The following LMNTD1 variants were observed in gnomAD, a reference collection of about 807,000 sequenced individuals.
The protein encoded by LMNTD1 is lamin tail domain-containing protein 1.
A neutral mutation model predicts 50.9 loss-of-function variants in LMNTD1; 35 were observed. That is an observed-to-expected ratio of 0.69 (90% CI 0.53 to 0.91). LMNTD1 has a LOEUF of 0.91. Among genes scored for constraint, LMNTD1 ranks in the 40% least tolerant of loss-of-function variants. LMNTD1 has a pLI of 0.00. For missense variants in LMNTD1, 470 were observed against 475.5 expected, an observed-to-expected ratio of 0.99 and a Z score of 0.11; for synonymous variants, 153 against 161.9, an observed-to-expected ratio of 0.94 and a Z score of 0.42.
At chr12:25,605,246 C>T (rs892028214) in intron 1 of LMNTD1, among the ~76,000 whole-genome samples, 4 of 151,876 alleles carry the variant, frequency 2.6e-5, no homozygotes, top group African/African-American at 7.3e-5. Context: ...GGATATTAGC[C>T]CTTTGTCAGA....
intron 8 of LMNTD1, among the ~76,000 whole-genome samples, chr12:25,507,216 G>T (rs911327761): frequency 1.3e-4 from 20 of 152,118 alleles, no homozygotes; most frequent in African/African-American, 4.8e-4. Context: ...GACCATTAGA[G>T]AGTAAGATTT....
intron 4 of LMNTD1, among the ~76,000 whole-genome samples, chr12:25,537,341 G>C (rs901402511): frequency 1.6e-4 from 24 of 152,364 alleles, no homozygotes; most frequent in African/African-American, 5.8e-4. Context: ...GCTTTGAAGA[G>C]AGCAGGGGTT....
intron 1 of LMNTD1, among the ~76,000 whole-genome samples, chr12:25,626,880 CA>C (rs1946602251): frequency 6.6e-6 from 1 of 152,116 alleles, no homozygotes; most frequent in African/African-American, 2.4e-5. Flanking sequence ...TTTCCTTGAT[CA>C]AAAAGATTTA....
intron 1 of LMNTD1, among the ~76,000 whole-genome samples, chr12:25,612,515 CT>C (rs1340861879): frequency 6.6e-6 from 1 of 152,164 alleles, no homozygotes; most frequent in African/African-American, 2.4e-5. Context: ...TCTAGGAAAC[CT>C]TTGCTGAGTC....
At chr12:25,644,508 C>G (rs1947023946) in intron 1 of LMNTD1, among the ~76,000 whole-genome samples, 1 of 151,430 alleles carries the variant, frequency 6.6e-6, no homozygotes, top group African/African-American at 2.4e-5. Flanking sequence ...AAACGAACAA[C>G]AACAAAAAAA....
intron 4 of LMNTD1, among the ~76,000 whole-genome samples, chr12:25,529,634 G>T (rs575979886): frequency 6.6e-6 from 1 of 151,774 alleles, no homozygotes; most frequent in African/African-American, 2.4e-5. Flanking sequence ...CCTTTATCAC[G>T]CTCTCATCAT....
chr12:25,557,279 T>A (rs1013254202), upstream of LMNTD1: 3 of 152,156 alleles, frequency 2.0e-5, no homozygotes, highest in African/African-American at 7.2e-5. Context: ...GAGGGGTATT[T>A]CAAGAGAGGC....
intron 9 of LMNTD1, among the ~76,000 whole-genome samples, chr12:25,490,322 T>C (rs1938843455): frequency 6.6e-6 from 1 of 152,238 alleles, no homozygotes; most frequent in South Asian, 2.1e-4. Context: ...ATAATATTTT[T>C]TTTAACATTA....
At chr12:25,527,058 T>A in intron 4 of LMNTD1, 103 bp from the exon 5 acceptor site, 1 of 766,240 alleles carries the variant, frequency 1.3e-6, no homozygotes, top group Non-Finnish European at 2.0e-6. Context: ...GTTCTTAAAC[T>A]GTATATTCTA....
intron 8 of LMNTD1, among the ~76,000 whole-genome samples, chr12:25,506,366 G>A (rs1006779588): frequency 1.3e-5 from 2 of 152,162 alleles, no homozygotes; most frequent in East Asian, 3.8e-4. Context: ...GAATTCCACT[G>A]CAGTATATGA....
intron 1 of LMNTD1, among the ~76,000 whole-genome samples, chr12:25,576,758 T>G (rs984090933): frequency 6.6e-6 from 1 of 152,244 alleles, no homozygotes; most frequent in Non-Finnish European, 1.5e-5. Context: ...AGTCATGAAG[T>G]CCTTGCCCAT....
At chr12:25,510,093 G>T (rs1002104271) in intron 8 of LMNTD1, among the ~76,000 whole-genome samples, 1 of 152,150 alleles carries the variant, frequency 6.6e-6, no homozygotes, top group African/African-American at 2.4e-5. Flanking sequence ...GTATTATTTT[G>T]TGTAGTAAAC....
rs534764916 is a variant in LMNTD1, at chr12:25,604,847, C to T, written c.58+43647G>A. On this transcript the variant is annotated intron_variant, in intron 1 of 7. Transcript: ENST00000445693. ...CTTTATAGAGGTATGATTTATAATC[C>T]TTTGCGTATATACCCAGTAATGGGA... Among the ~76,000 whole-genome samples the T allele has an allele frequency of 2.6e-5, 4 of 152,148 alleles. No homozygotes were observed. In the South Asian group the frequency reaches 8.3e-4, roughly 32 times the overall value.
intron 8 of LMNTD1, among the ~76,000 whole-genome samples, chr12:25,516,382 A>C (rs1426138601): frequency 2.0e-5 from 3 of 152,226 alleles, no homozygotes; most frequent in African/African-American, 7.2e-5. Context: ...TGCCACCATC[A>C]TATTATAGAA....
chr12:25,578,496 C>T (rs1945130386), intron 1 of LMNTD1, among the ~76,000 whole-genome samples: 5 of 152,134 alleles, frequency 3.3e-5, no homozygotes, highest in Admixed American at 3.3e-4. Flanking sequence ...GATACAGTCA[C>T]ACAATGTATT....
At chr12:25,584,137 C>T (rs552163347) in intron 1 of LMNTD1, among the ~76,000 whole-genome samples, 1 of 152,208 alleles carries the variant, frequency 6.6e-6, no homozygotes, top group South Asian at 2.1e-4. Context: ...AAAGAGAAGA[C>T]AAGATGACTC....
chr12:25,630,421 C>G (rs1051966243), intron 1 of LMNTD1, among the ~76,000 whole-genome samples: 1 of 152,024 alleles, frequency 6.6e-6, no homozygotes, highest in Non-Finnish European at 1.5e-5. Context: ...TCAGCAGTCC[C>G]GAGAAGACGC....
At chr12:25,625,834 C>T (rs535724756) in intron 1 of LMNTD1, among the ~76,000 whole-genome samples, 11 of 152,258 alleles carry the variant, frequency 7.2e-5, no homozygotes, top group African/African-American at 2.6e-4. Context: ...TGGGATGGCA[C>T]CTCTGCCTCC....
intron 9 of LMNTD1, chr12:25,499,710 C>T (rs1323896289): frequency 6.6e-6 from 1 of 151,258 alleles, no homozygotes; most frequent in Non-Finnish European, 1.5e-5. Flanking sequence ...TTGAAAGAAA[C>T]CAGGTAACAT....
Sources: allele counts gnomAD v4.1 joint callset (sites outside exome capture counted in the v4.1 genomes callset), GRCh38; gene constraint gnomAD v4.1.1; transcripts MANE v1.5; gene names NCBI Gene and HGNC (gene_info 2026-07-23, HGNC 2026-07-21).